Variants in DAB1 observed in about 807,000 individuals in gnomAD.
The protein encoded by DAB1 is DAB adaptor protein 1, also known as disabled homolog 1.
A neutral mutation model predicts 64.6 loss-of-function variants in DAB1; 15 were observed. That is an observed-to-expected ratio of 0.23 (90% CI 0.16 to 0.36). DAB1 has a LOEUF of 0.36. Ranked by LOEUF, DAB1 falls within the 10% of genes least tolerant of loss-of-function variation. The pLI, the probability that DAB1 is intolerant of heterozygous loss-of-function variation, is 1.00. For synonymous variants in DAB1, 235 were observed against 251.9 expected, an observed-to-expected ratio of 0.93 and a Z score of 0.64; for missense variants, 596 against 706.7, an observed-to-expected ratio of 0.84 and a Z score of 1.78.
intron 3 of DAB1, among the ~76,000 whole-genome samples, chr1:58,374,481 C>G (rs373141683): frequency 4.6e-5 from 7 of 151,704 alleles, no homozygotes; most frequent in South Asian, 4.2e-4. Context: ...TCAAAGATCA[C>G]ATAGTTGTAG....
At chr1:57,747,835 A>G (rs1210253144) in intron 6 of DAB1, among the ~76,000 whole-genome samples, 1 of 143,672 alleles carries the variant, frequency 7.0e-6, no homozygotes, top group Non-Finnish European at 1.5e-5. Flanking sequence ...AAAAAAAAAG[A>G]ATACCATTGT....
chr1:57,763,669 C>T (rs778902421), intron 6 of DAB1, among the ~76,000 whole-genome samples: 1 of 152,048 alleles, frequency 6.6e-6, no homozygotes, highest in African/African-American at 2.4e-5. Flanking sequence ...CAAAGCAAGA[C>T]CTTATCTCTT....
chr1:57,576,194 T>C (rs1353354088), intron 7 of DAB1, among the ~76,000 whole-genome samples: 1 of 152,204 alleles, frequency 6.6e-6, no homozygotes. Context: ...AGAATTGTGT[T>C]AGATGATTTT....
At chr1:57,136,448 G>T in intron 4 of DAB1, 95 bp downstream of exon 4, 1 of 612,438 alleles carries the variant, frequency 1.6e-6, no homozygotes, top group Non-Finnish European at 2.6e-6. Context: ...GTGTTTTTAT[G>T]CTTGTTGTAT....
intron 11 of DAB1, among the ~76,000 whole-genome samples, chr1:57,019,027 G>C (rs1646526104): frequency 6.6e-6 from 1 of 152,158 alleles, no homozygotes; most frequent in African/African-American, 2.4e-5. Flanking sequence ...GCTCCTGTCA[G>C]CACCACTGGT....
At chr1:58,524,239 CT>C (rs1646314932) in intron 2 of DAB1, among the ~76,000 whole-genome samples, 1 of 152,154 alleles carries the variant, frequency 6.6e-6, no homozygotes, top group Admixed American at 6.5e-5. Context: ...CATTAAAAAC[CT>C]GTTCCGGCAG....
chr1:57,465,402 T>C (rs1320175684), intron 7 of DAB1, among the ~76,000 whole-genome samples: 1 of 152,222 alleles, frequency 6.6e-6, no homozygotes, highest in African/African-American at 2.4e-5. Context: ...TGGTAGCACA[T>C]ACAATGTGCC....
rs181694222 is a variant in DAB1 at position 58,171,612 on chromosome 1, A to G, written n.310-21024T>C. Among the ~76,000 whole-genome samples, 549 of 152,304 alleles carry G rather than the reference A, an allele frequency of 3.6e-3. 4 individuals are homozygous for G. The highest frequency in any genetic ancestry group is 0.012 in the African/African-American group (515 of 41,576). ...TGTATTCCCCTGCACTCTGACTCCC[A>G]GTTTCTCTTTGCCTTTGAAGATCCC... On this transcript the variant is annotated intron_variant and non_coding_transcript_variant, in intron 4 of 20. Coordinates refer to the DAB1 transcript ENST00000485760.
At chr1:58,294,436 C>T (rs1315728505) in intron 4 of DAB1, among the ~76,000 whole-genome samples, 2 of 151,764 alleles carry the variant, frequency 1.3e-5, no homozygotes, top group Non-Finnish European at 2.9e-5. Context: ...TATTCATAGA[C>T]AATTAATAAA....
At chr1:57,622,216 G>T (rs1209554238) in intron 7 of DAB1, among the ~76,000 whole-genome samples, 1 of 152,182 alleles carries the variant, frequency 6.6e-6, no homozygotes, top group Non-Finnish European at 1.5e-5. Context: ...TGGCATGGAG[G>T]CAGGAGGAGA....
intron 2 of DAB1, among the ~76,000 whole-genome samples, chr1:57,253,958 C>T (rs980219007): frequency 6.6e-6 from 1 of 152,196 alleles, no homozygotes; most frequent in South Asian, 2.1e-4. Context: ...TTATCATTTC[C>T]TGATCTCTCC....
chr1:58,226,594 G>A (rs1659497220), intron 4 of DAB1, among the ~76,000 whole-genome samples: 1 of 152,184 alleles, frequency 6.6e-6, no homozygotes, highest in Admixed American at 6.5e-5. Context: ...AAATGGTACT[G>A]TTAAGAATAC....
chr1:58,251,907 T>C (rs936298172), intron 4 of DAB1, among the ~76,000 whole-genome samples: 17 of 152,202 alleles, frequency 1.1e-4, no homozygotes, highest in African/African-American at 3.6e-4. Flanking sequence ...AAAAGTCCCT[T>C]TCAAGTTCCC....
chr1:57,092,270 G>T (rs1304668253), intron 4 of DAB1, among the ~76,000 whole-genome samples: 1 of 152,108 alleles, frequency 6.6e-6, no homozygotes, highest in African/African-American at 2.4e-5. Context: ...AAATAGACAT[G>T]GCGCCTGCTC....
intron 9 of DAB1, among the ~76,000 whole-genome samples, chr1:57,042,821 A>G (rs1019328783): frequency 3.3e-5 from 5 of 152,084 alleles, no homozygotes; most frequent in African/African-American, 4.8e-5. Context: ...ATGTATGTGC[A>G]TGCATGCACA....
At chr1:58,486,015 A>C (rs1313497572) in intron 3 of DAB1, among the ~76,000 whole-genome samples, 1 of 152,212 alleles carries the variant, frequency 6.6e-6, no homozygotes, top group Non-Finnish European at 1.5e-5. Context: ...CAGCCTAAAG[A>C]CTACAACTAT....
At chr1:57,838,593 A>G (rs1213349083) in intron 1 of DAB1, among the ~76,000 whole-genome samples, 1 of 152,114 alleles carries the variant, frequency 6.6e-6, no homozygotes, top group Non-Finnish European at 1.5e-5. Flanking sequence ...TTTGGTGAAA[A>G]GAGCATGGGT....
rs1223800043 is a variant in DAB1, at chr1:57,217,578, T to C, written c.68-72149A>G. Reference sequence around the variant, plus strand: ...CCCTATCTTTTACACAAAAAGTCCATGTAAATGGAGCAAGGTGACCAAAAT... The same window carrying C: ...CCCTATCTTTTACACAAAAAGTCCACGTAAATGGAGCAAGGTGACCAAAAT... On this transcript the variant is annotated intron_variant, in intron 2 of 14. Transcript: ENST00000371236. 2.0e-5 allele frequency among the ~76,000 whole-genome samples: 3 copies of C among 152,124 alleles called. No individual in the cohort carries two copies. The East Asian group carries it at 5.8e-4, about 29-fold the overall frequency.
At chr1:57,870,216 T>A (rs1259648911) in intron 1 of DAB1, among the ~76,000 whole-genome samples, 3 of 152,134 alleles carry the variant, frequency 2.0e-5, no homozygotes, top group Non-Finnish European at 4.4e-5. Context: ...GGCCCCTCAA[T>A]AAATGTTAGC....
Sources: allele counts gnomAD v4.1 joint callset (sites outside exome capture counted in the v4.1 genomes callset), GRCh38; gene constraint gnomAD v4.1.1; transcripts MANE v1.5; gene names NCBI Gene and HGNC (gene_info 2026-07-23, HGNC 2026-07-21).